CORIN: variants seen among roughly 807,000 people sequenced by gnomAD.
CORIN encodes the protein atrial natriuretic peptide-converting enzyme.
A neutral mutation model predicts 125.3 loss-of-function variants in CORIN; 117 were observed. That is an observed-to-expected ratio of 0.93 (90% CI 0.80 to 1.09). CORIN has a LOEUF of 1.09. Ranked by LOEUF, CORIN falls within the 50% of genes least tolerant of loss-of-function variation. CORIN has a pLI of 0.00. For missense variants in CORIN, 1,253 were observed against 1,306.7 expected (o/e 0.96, Z 0.63); for synonymous variants, 450 against 466.4 (o/e 0.96, Z 0.45).
intron 19 of CORIN, among the ~76,000 whole-genome samples, chr4:47,610,437 C>T (rs930413446): frequency 1.3e-5 from 2 of 150,652 alleles, no homozygotes; most frequent in Non-Finnish European, 2.9e-5. Context: ...CCTTTGCCCA[C>T]TTTTTAATGG....
At chr4:47,752,237 C>A (rs1017255749) in intron 4 of CORIN, among the ~76,000 whole-genome samples, 1 of 152,124 alleles carries the variant, frequency 6.6e-6, no homozygotes, top group East Asian at 1.9e-4. Flanking sequence ...TATCACTATC[C>A]GCTAAACGAG....
At chr4:47,691,927 G>T (rs1228310681) in intron 6 of CORIN, among the ~76,000 whole-genome samples, 1 of 152,102 alleles carries the variant, frequency 6.6e-6, no homozygotes, top group Non-Finnish European at 1.5e-5. Flanking sequence ...AGAATTTTTT[G>T]ATTAAGATCA....
At chr4:47,745,935 T>C (rs1406719859) in intron 4 of CORIN, among the ~76,000 whole-genome samples, 2 of 152,230 alleles carry the variant, frequency 1.3e-5, no homozygotes, top group South Asian at 2.1e-4. Flanking sequence ...TCTTTTGGAA[T>C]ACTGATCTTC....
chr4:47,645,263 T>C (rs868767925), intron 13 of CORIN, 69 bp from the exon 14 acceptor site: 2 of 998,552 alleles, frequency 2.0e-6, no homozygotes, highest in Non-Finnish European at 3.1e-6. Context: ...TCAATCAATG[T>C]AGAAAAATTA....
chr4:47,687,975 G>A (rs1354848874), intron 6 of CORIN, among the ~76,000 whole-genome samples: 1 of 152,072 alleles, frequency 6.6e-6, no homozygotes, highest in East Asian at 1.9e-4. Context: ...CCCTGTGCAG[G>A]GTAGTTTGTT....
At chr4:47,721,602 G>C (rs1033399867) in intron 5 of CORIN, among the ~76,000 whole-genome samples, 2 of 152,144 alleles carry the variant, frequency 1.3e-5, no homozygotes, top group African/African-American at 4.8e-5. Context: ...ATCTCCCAAA[G>C]TCTCCACCTT....
intron 19 of CORIN, among the ~76,000 whole-genome samples, chr4:47,618,763 G>A (rs748488251): frequency 1.3e-5 from 2 of 151,806 alleles, no homozygotes; most frequent in Non-Finnish European, 2.9e-5. Flanking sequence ...AGCTTGCAGT[G>A]AGCCAAGATC....
At chr4:47,656,028 CA>C (rs1464918316) in intron 12 of CORIN, among the ~76,000 whole-genome samples, 3 of 151,666 alleles carry the variant, frequency 2.0e-5, no homozygotes, top group African/African-American at 7.3e-5. Context: ...GACAAAGACA[CA>C]TCAAAAAAAA....
At chr4:47,812,913 C>A (rs915973791) in intron 1 of CORIN, among the ~76,000 whole-genome samples, 4 of 152,010 alleles carry the variant, frequency 2.6e-5, no homozygotes, top group Non-Finnish European at 4.4e-5. Context: ...CTAAATCATC[C>A]AAAAATCCTT....
rs2109555693 is a variant in CORIN at position 47,623,695 on chromosome 4, G to A, written c.2416C>T (p.Arg806Trp). 12 of 1,614,204 alleles carry A rather than the reference G, an allele frequency of 7.4e-6. No homozygotes were observed. The East Asian group carries it at 8.9e-5, about 12-fold the overall frequency. ...GGCCACCTTCCAGGGCGACTCGTCC[G>A]ACCTCCAAGGATCCTTTTGTTCATT... is the stretch of plus-strand genomic sequence containing the variant. ...ARMNKRILGG[R>W]TSRPGRWPWQ... The change falls in exon 19 of 22, where the codon CGG becomes TGG. Residue 806 changes from arginine to tryptophan, a missense_variant. By Grantham distance (101) the Arg-to-Trp change is moderately radical. Transcript: ENST00000273857.
At chr4:47,804,971 C>T (rs1343487663) in intron 2 of CORIN, among the ~76,000 whole-genome samples, 1 of 151,192 alleles carries the variant, frequency 6.6e-6, no homozygotes, top group African/African-American at 2.4e-5. Flanking sequence ...CCTGTTTCTA[C>T]TAAAAATACA....
intron 2 of CORIN, among the ~76,000 whole-genome samples, chr4:47,803,679 A>C (rs1008086688): frequency 3.3e-5 from 5 of 152,266 alleles, no homozygotes; most frequent in Non-Finnish European, 7.3e-5. Context: ...CTAGACTGCT[A>C]TCTCTCGCTA....
chr4:47,792,609 T>C (rs1315292153), intron 2 of CORIN, among the ~76,000 whole-genome samples: 2 of 152,216 alleles, frequency 1.3e-5, no homozygotes, highest in Admixed American at 1.3e-4. Flanking sequence ...GTCATATCGT[T>C]AGTGTTGTTC....
chr4:47,725,501 G>A (rs938472672), intron 5 of CORIN, among the ~76,000 whole-genome samples: 5 of 152,016 alleles, frequency 3.3e-5, no homozygotes, highest in Admixed American at 1.3e-4. Context: ...TGATGGAGGT[G>A]CAAAAGCAAT....
chr4:47,639,714 G>A (rs919124904), intron 16 of CORIN, among the ~76,000 whole-genome samples: 6 of 152,212 alleles, frequency 3.9e-5, no homozygotes, highest in African/African-American at 1.4e-4. Flanking sequence ...GGTGCAGGGT[G>A]ACTTAGAGTT....
At chr4:47,753,262 G>C (rs71614008) in intron 4 of CORIN, among the ~76,000 whole-genome samples, 26,506 of 152,170 alleles carry the variant, frequency 0.17, 3,004 homozygotes, top group Non-Finnish European at 0.25. Flanking sequence ...GGGCAATAAA[G>C]ATCACAAGGC....
At position 47,645,098 on chromosome 4, in the gene CORIN, A is replaced by G. The variant is rs1423767543; in HGVS notation, c.1940T>C (p.Met647Thr). ...GCACTTACAGCAGTTTTTCTCGTCC[A>G]TGTAATCAGGGCAGTCTGGGAACCC... ...CDGFPDCPDY[M>T]DEKNCSFCQD... The change falls in exon 14 of 22, where the codon ATG becomes ACG. Residue 647 changes from methionine (M) to threonine (T), a missense_variant. Coordinates refer to ENST00000273857, the MANE Select transcript of CORIN (RefSeq NM_006587.4). 6.2e-7 allele frequency: 1 copy of G among 1,605,598 alleles called. No homozygotes were observed. Among genetic ancestry groups the G allele is most frequent in the South Asian group, 1.1e-5 (1 of 89,638 alleles).
Position 47,595,923 on chromosome 4 carries a change from G to C in CORIN, c.2947-20C>G, listed in dbSNP as rs761618532. On this transcript the variant is annotated intron_variant, in intron 21 of 21. Transcript: ENST00000273857. Reference sequence around the variant, plus strand: ...GTCACCCTGCAATAAGTAACGATGGGAGTTAGGAACTGGCATTTCAGGGCA... The same window carrying C: ...GTCACCCTGCAATAAGTAACGATGGCAGTTAGGAACTGGCATTTCAGGGCA... The C allele has an allele frequency of 2.5e-6, 4 of 1,595,034 alleles. No individual in the cohort carries two copies. In the East Asian group the frequency reaches 8.9e-5, roughly 36 times the overall value.
chr4:47,650,052 C>T (rs962287346), intron 13 of CORIN, among the ~76,000 whole-genome samples: 3 of 152,214 alleles, frequency 2.0e-5, no homozygotes, highest in Non-Finnish European at 4.4e-5. Context: ...CTTTTGGAAA[C>T]TCTTTGAAAT....
Sources: gnomAD v4.1 joint callset for allele counts (sites outside exome capture counted in the v4.1 genomes callset) on GRCh38, gnomAD v4.1.1 for gene constraint, MANE v1.5 for transcripts, NCBI Gene and HGNC (gene_info 2026-07-23, HGNC 2026-07-21) for gene names.